SHTN1: variants seen among roughly 807,000 people sequenced by gnomAD.
SHTN1 encodes the protein shootin-1.
In SHTN1, 42 loss-of-function variants were observed where a neutral mutation model predicts 83.1. The ratio of observed to expected loss-of-function variants is 0.51; its 90% CI spans 0.39 to 0.65. SHTN1 has a LOEUF of 0.65. Among genes scored for constraint, SHTN1 ranks in the 30% least tolerant of loss-of-function variants. The pLI is 0.00. For synonymous variants in SHTN1, 224 were observed against 247.7 expected (o/e 0.90, Z 0.90); for missense variants, 622 against 737.8 (o/e 0.84, Z 1.82).
At chr10:116,945,049 G>A in intron 7 of SHTN1, 31 bp from the exon 8 acceptor site, 1 of 1,277,590 alleles carries the variant, frequency 7.8e-7, no homozygotes, top group Non-Finnish European at 1.1e-6. Context: ...AAAAAACCCA[G>A]ACAATAAGTC....
chr10:116,919,382 C>T (rs569197454), intron 12 of SHTN1, among the ~76,000 whole-genome samples: 22 of 152,236 alleles, frequency 1.4e-4, no homozygotes, highest in African/African-American at 5.3e-4. Flanking sequence ...ATCTCAAGAG[C>T]AACTTCTATA....
intron 1 of SHTN1, among the ~76,000 whole-genome samples, chr10:117,070,355 G>A (rs1425304047): frequency 6.6e-6 from 1 of 151,888 alleles, no homozygotes; most frequent in Non-Finnish European, 1.5e-5. Flanking sequence ...AACCACAGCC[G>A]GAGATTTTCT....
At position 116,883,319 on chromosome 10, in the gene SHTN1, T is replaced by C. The variant is rs1422987602; in HGVS notation, c.*3025A>G. The C allele has an allele frequency of 6.6e-6, 1 of 152,178 alleles. No individual in the cohort carries two copies. Among genetic ancestry groups the C allele is most frequent in the Non-Finnish European group, 1.5e-5 (1 of 68,038 alleles). 9.4% of individuals were successfully genotyped at this position (152,178 alleles called of 1,614,324 possible). On this transcript the variant is annotated 3_prime_UTR_variant, in exon 17 of 17. Transcript: ENST00000355371. ...ATTTATATAACTGTATATATAATATTATCTGTGAAAGAAATGAAAGAAACA... is the reference window on the plus strand; with the variant it reads ...ATTTATATAACTGTATATATAATATCATCTGTGAAAGAAATGAAAGAAACA...
chr10:117,126,430 C>A, exon 1 of SHTN1: 1 of 217,866 alleles, frequency 4.6e-6, no homozygotes. Flanking sequence ...GCCCTGCCTC[C>A]TTTCTAGCCC....
chr10:117,088,623 A>T (rs1448594599), intron 1 of SHTN1, among the ~76,000 whole-genome samples: 1 of 152,174 alleles, frequency 6.6e-6, no homozygotes, highest in African/African-American at 2.4e-5. Flanking sequence ...TGTCAATTTC[A>T]CGGCCACCCA....
At chr10:116,902,442 T>C (rs151306614) in intron 15 of SHTN1, among the ~76,000 whole-genome samples, 30 of 152,340 alleles carry the variant, frequency 2.0e-4, no homozygotes, top group African/African-American at 7.2e-4. Context: ...TTCATTTTAA[T>C]GTGAATGAGA....
chr10:117,055,752 T>C (rs930928234), intron 1 of SHTN1, among the ~76,000 whole-genome samples: 24 of 152,108 alleles, frequency 1.6e-4, no homozygotes, highest in African/African-American at 5.3e-4. Flanking sequence ...TCAGTAGTCC[T>C]AGCTACTCAG....
At chr10:117,084,059 T>G (rs901172992) in intron 1 of SHTN1, among the ~76,000 whole-genome samples, 14 of 152,238 alleles carry the variant, frequency 9.2e-5, no homozygotes, top group Admixed American at 4.6e-4. Flanking sequence ...AAAGTCATTC[T>G]CCATCCAGCT....
chr10:117,093,221 T>C, intron 1 of SHTN1, among the ~76,000 whole-genome samples: 1 of 152,014 alleles, frequency 6.6e-6, no homozygotes, highest in Non-Finnish European at 1.5e-5. Flanking sequence ...TACATACAAT[T>C]AGAAATTGGA....
At chr10:117,095,244 C>T (rs751892957) in intron 1 of SHTN1, among the ~76,000 whole-genome samples, 4 of 152,160 alleles carry the variant, frequency 2.6e-5, no homozygotes, top group African/African-American at 4.8e-5. Context: ...TCCCACACAC[C>T]TGCATTTCAT....
chr10:116,961,001 T>C (rs1850166597), intron 3 of SHTN1, among the ~76,000 whole-genome samples: 1 of 152,162 alleles, frequency 6.6e-6, no homozygotes, highest in Admixed American at 6.5e-5. Flanking sequence ...ACTTGAGTTA[T>C]ATTTTGAAGA....
chr10:117,011,907 G>A (rs980039572), intron 2 of SHTN1, among the ~76,000 whole-genome samples: 3 of 152,110 alleles, frequency 2.0e-5, no homozygotes, highest in African/African-American at 4.8e-5. Context: ...TTGGGAGGCC[G>A]AGGAGGGCGG....
At chr10:117,070,941 G>A (rs1242658484) in intron 1 of SHTN1, among the ~76,000 whole-genome samples, 1 of 151,924 alleles carries the variant, frequency 6.6e-6, no homozygotes, top group Non-Finnish European at 1.5e-5. Flanking sequence ...CAGTTGCATA[G>A]ATGTTGGTTT....
intron 1 of SHTN1, among the ~76,000 whole-genome samples, chr10:117,068,140 C>T (rs1853029553): frequency 6.6e-6 from 1 of 152,092 alleles, no homozygotes; most frequent in African/African-American, 2.4e-5. Flanking sequence ...GTCTGTAATC[C>T]CAGCATTTTG....
chr10:116,893,319 T>C (rs1589779378), intron 16 of SHTN1, among the ~76,000 whole-genome samples: 1 of 152,150 alleles, frequency 6.6e-6, no homozygotes, highest in East Asian at 1.9e-4. Context: ...TAATTGTCCA[T>C]GTACAGGCGC....
intron 2 of SHTN1, among the ~76,000 whole-genome samples, chr10:117,014,794 A>AATTTTAAAAT (rs1298081962): frequency 1.1e-4 from 17 of 152,366 alleles, no homozygotes; most frequent in African/African-American, 4.1e-4. Flanking sequence ...GAACAAAAAT[A>AATTTTAAAAT]GGAACCTAAT....
At chr10:117,114,071 T>A (rs1233561211) in intron 1 of SHTN1, among the ~76,000 whole-genome samples, 1 of 151,828 alleles carries the variant, frequency 6.6e-6, no homozygotes, top group Admixed American at 6.6e-5. Flanking sequence ...AAAAAAAAGC[T>A]GGGCACAATG....
chr10:116,988,654 T>G (rs1358623606), intron 1 of SHTN1, among the ~76,000 whole-genome samples: 1 of 151,944 alleles, frequency 6.6e-6, no homozygotes, highest in African/African-American at 2.4e-5. Context: ...GCTCAAGCAA[T>G]CCTTCTGCCT....
chr10:116,967,467 T>C (rs1850436097), intron 3 of SHTN1, among the ~76,000 whole-genome samples: 1 of 152,206 alleles, frequency 6.6e-6, no homozygotes, highest in Non-Finnish European at 1.5e-5. Context: ...TAAAAAGCCA[T>C]ACATATTTCA....
Sources: gnomAD v4.1 joint callset for allele counts (sites outside exome capture counted in the v4.1 genomes callset) on GRCh38, gnomAD v4.1.1 for gene constraint, MANE v1.5 for transcripts, NCBI Gene and HGNC (gene_info 2026-07-23, HGNC 2026-07-21) for gene names.